The following SCN9A variants were observed in gnomAD, a reference collection of about 807,000 sequenced individuals.
SCN9A encodes the protein sodium voltage-gated channel alpha subunit 9.
Under a neutral mutation model 187.0 loss-of-function variants are expected in SCN9A, and 131 were observed. The observed-to-expected ratio is 0.70, with a 90% CI of 0.61 to 0.81. The LOEUF is 0.81. SCN9A is among the 30% of genes least tolerant of loss of function. The pLI is 0.00. For synonymous variants in SCN9A, 809 were observed against 808.6 expected (o/e 1.00, Z -0.01); for missense variants, 2,252 against 2,396.6 (o/e 0.94, Z 1.26).
At chr2:166,357,933 CT>C (rs1700188760) in intron 1 of SCN9A, among the ~76,000 whole-genome samples, 2 of 152,100 alleles carry the variant, frequency 1.3e-5, no homozygotes, top group South Asian at 4.1e-4. Flanking sequence ...AATCCATGCT[CT>C]CCCCAAACAA....
intron 22 of SCN9A, 99 bp downstream of exon 22, chr2:166,228,592 T>C: frequency 8.5e-7 from 1 of 1,179,896 alleles, no homozygotes; most frequent in South Asian, 1.6e-5. Flanking sequence ...CACAGTATTT[T>C]ATCTTCAATT....
chr2:166,293,078 G>A (rs2106502857), intron 9 of SCN9A, among the ~76,000 whole-genome samples, 153 bp downstream of exon 9: 1 of 152,274 alleles, frequency 6.6e-6, no homozygotes, highest in South Asian at 2.1e-4. Flanking sequence ...CATATTATTA[G>A]TGATGGGAGT....
intron 1 of SCN9A, among the ~76,000 whole-genome samples, chr2:166,364,393 C>G (rs1423835905): frequency 6.6e-6 from 1 of 152,082 alleles, no homozygotes. Context: ...TTCATAGCAG[C>G]ACTAATCACA....
At chr2:166,362,142 G>T (rs546717270) in intron 1 of SCN9A, among the ~76,000 whole-genome samples, 8 of 152,150 alleles carry the variant, frequency 5.3e-5, no homozygotes, top group African/African-American at 1.7e-4. Context: ...GGGGTAATCT[G>T]GTTTGAGGAG....
chr2:166,361,867 C>T (rs189054543), intron 1 of SCN9A, among the ~76,000 whole-genome samples: 1 of 152,108 alleles, frequency 6.6e-6, no homozygotes, highest in African/African-American at 2.4e-5. Context: ...AGCGGATGCT[C>T]CAGAACTTAA....
chr2:166,276,234 C>T (rs554403675), intron 16 of SCN9A, among the ~76,000 whole-genome samples: 1 of 152,186 alleles, frequency 6.6e-6, no homozygotes, highest in East Asian at 1.9e-4. Context: ...CCACGCGATG[C>T]TATAGGCCAG....
At position 166,293,463 on chromosome 2, in the gene SCN9A, C is replaced by T. The variant is rs116142109; in HGVS notation, c.966-91G>A. The T allele has an allele frequency of 8.6e-4, 939 of 1,094,206 alleles. 8 individuals carry two copies. The African/African-American group carries it at 0.013, about 16-fold the overall frequency. 67.8% of individuals were successfully genotyped at this position (1,094,206 alleles called of 1,614,324 possible). On this transcript the variant is annotated intron_variant, in intron 8 of 26. Coordinates refer to ENST00000642356, the MANE Select transcript of SCN9A (RefSeq NM_001365536.1). ...AAAAGTTACAAACTCAAGGTTTCTTCTATAGGGGGACAATATTGAATAAGG... is the reference window on the plus strand; with the variant it reads ...AAAAGTTACAAACTCAAGGTTTCTTTTATAGGGGGACAATATTGAATAAGG...
intron 26 of SCN9A, among the ~76,000 whole-genome samples, chr2:166,201,192 T>C (rs1344645062): frequency 1.3e-5 from 2 of 149,196 alleles, no homozygotes; most frequent in Admixed American, 6.8e-5. Flanking sequence ...ACACACACTA[T>C]ATATACACAC....
chr2:166,283,477 T>C (rs1020007401), intron 12 of SCN9A, among the ~76,000 whole-genome samples: 1 of 152,184 alleles, frequency 6.6e-6, no homozygotes, highest in Non-Finnish European at 1.5e-5. Flanking sequence ...CTTGCTGATA[T>C]TGGTAATGCA....
chr2:166,265,120 C>T (rs539859687), intron 17 of SCN9A, among the ~76,000 whole-genome samples: 3 of 151,924 alleles, frequency 2.0e-5, no homozygotes, highest in Non-Finnish European at 2.9e-5. Flanking sequence ...TTATGGTTAA[C>T]TCTAGTCATC....
chr2:166,272,719 G>A lies in SCN9A; in HGVS notation c.3031C>T (p.Leu1011=). 6.3e-7 allele frequency: 1 copy of A among 1,593,132 alleles called. No homozygotes were observed. Among genetic ancestry groups the A allele is most frequent in the Non-Finnish European group, 8.5e-7 (1 of 1,170,430 alleles). ...TTTGGCTTTTTGGAAAATGCTTTTA[G>A]AATAAATTCACGTAAGGTTTGTTTC... The part of the protein sequence containing the change: ...YVKQTLREFI[L]KAFSKKPKIS... The change falls in exon 17 of 27, where the codon CTA becomes TTA. Residue 1011 remains leucine, a synonymous_variant. Coordinates refer to ENST00000642356, the MANE Select transcript of SCN9A (RefSeq NM_001365536.1).
chr2:166,341,739 GAC>G (rs1392510514), intron 1 of SCN9A, among the ~76,000 whole-genome samples: 1 of 152,120 alleles, frequency 6.6e-6, no homozygotes, highest in Non-Finnish European at 1.5e-5. Context: ...CTTTTGCTAT[GAC>G]ACAGTACAGA....
chr2:166,294,552 C>T lies in SCN9A; in HGVS notation c.965+47G>A, dbSNP rs200525097. The T allele has an allele frequency of 1.4e-4, 189 of 1,383,288 alleles. 2 individuals carry two copies. The South Asian group carries it at 2.1e-3, about 16-fold the overall frequency. 85.7% of individuals were successfully genotyped at this position (1,383,288 alleles called of 1,614,324 possible). On this transcript the variant is annotated intron_variant, in intron 8 of 26. Transcript: ENST00000642356. ...TTGCAAACTGACTGAACATTCTTTT[C>T]CTTCTCTTTCAGCCTTTAGACTAAA...
At chr2:166,225,049 G>C (rs2106381177) in intron 24 of SCN9A, among the ~76,000 whole-genome samples, 1 of 152,152 alleles carries the variant, frequency 6.6e-6, no homozygotes, top group Non-Finnish European at 1.5e-5. Context: ...TGAAACACCA[G>C]CTGCTATTAA....
intron 17 of SCN9A, among the ~76,000 whole-genome samples, chr2:166,253,344 G>A (rs908651410): frequency 1.3e-5 from 2 of 151,724 alleles, no homozygotes; most frequent in African/African-American, 4.8e-5. Context: ...AGGTCCAGGA[G>A]TTTGATAACA....
intron 17 of SCN9A, among the ~76,000 whole-genome samples, chr2:166,271,779 G>C (rs937602488): frequency 6.6e-5 from 10 of 151,796 alleles, no homozygotes; most frequent in Admixed American, 5.9e-4. Flanking sequence ...GATCACTTGA[G>C]CCCAGGAGTT....
intron 23 of SCN9A, 95 bp from the exon 24 acceptor site, chr2:166,226,799 C>CCTG: frequency 1.2e-6 from 1 of 863,172 alleles, no homozygotes; most frequent in Non-Finnish European, 1.7e-6. Flanking sequence ...CAGTGCTATC[C>CCTG]TAGGTAAACA....
intron 2 of SCN9A, among the ~76,000 whole-genome samples, chr2:166,309,112 AG>A (rs1206929933): frequency 6.6e-6 from 1 of 152,006 alleles, no homozygotes; most frequent in African/African-American, 2.4e-5. Flanking sequence ...AAAAATATAA[AG>A]GGGGAAGAAT....
Position 166,228,773 on chromosome 2 carries a change from T to C in SCN9A, c.4124A>G (p.Asn1375Ser), listed in dbSNP as rs774583720. ...TTTCCATCGCACATTTTGACTAACA[T>C]TCATAAGGGCAAAACATTCGGAACG... Reference protein sequence around the residue: ...PNRSECFALMNVSQNVRWKNL... With the variant: ...PNRSECFALMSVSQNVRWKNL... The change falls in exon 22 of 27, where the codon AAT becomes AGT. Residue 1375 changes from asparagine to serine, a missense_variant. Transcript: ENST00000642356. The C allele has an allele frequency of 3.1e-6, 5 of 1,613,770 alleles. No homozygotes were observed. Among genetic ancestry groups the C allele is most frequent in the Non-Finnish European group, 4.2e-6 (5 of 1,179,836 alleles).
Sources: gnomAD v4.1 joint callset for allele counts (sites outside exome capture counted in the v4.1 genomes callset) on GRCh38, gnomAD v4.1.1 for gene constraint, MANE v1.5 for transcripts, NCBI Gene and HGNC (gene_info 2026-07-23, HGNC 2026-07-21) for gene names.